Variants in TACR1 observed in about 807,000 individuals in gnomAD.
TACR1 encodes the protein tachykinin receptor 1, also known as substance-P receptor.
Under a neutral mutation model 35.8 loss-of-function variants are expected in TACR1, and 25 were observed. The observed-to-expected ratio is 0.70, with a 90% CI of 0.51 to 0.98. The LOEUF (loss-of-function observed/expected upper bound fraction) is 0.98. Ranked by LOEUF, TACR1 falls within the 50% of genes least tolerant of loss-of-function variation. The pLI, the probability that TACR1 is intolerant of heterozygous loss-of-function variation, is 0.00. For missense variants in TACR1, 478 were observed against 522.9 expected (o/e 0.91, Z 0.84); for synonymous variants, 195 against 206.7 (o/e 0.94, Z 0.48).
In TACR1 at chr2:75,072,266, G is replaced by C. The variant is rs368851976; in HGVS notation, c.585-18511C>G. 2.0e-5 allele frequency among the ~76,000 whole-genome samples: 3 copies of C among 152,270 alleles called. No homozygotes were observed. The South Asian group carries it at 6.2e-4, about 32-fold the overall frequency. ...GAGTCTGATGTGAGTCGTCTGCCAG[G>C]TCAAGGATGCAGGACGGGATTAGCG... On this transcript the variant is annotated intron_variant, in intron 2 of 4. Transcript: ENST00000305249.
chr2:75,158,134 A>G (rs10167153), intron 1 of TACR1, among the ~76,000 whole-genome samples: 80,116 of 152,114 alleles, frequency 0.53, 21,373 homozygotes, highest in Non-Finnish European at 0.55. Context: ...CTATGACCCA[A>G]CTGGGTCCTC....
At chr2:75,147,587 C>T (rs578257458) in intron 1 of TACR1, among the ~76,000 whole-genome samples, 9 of 152,226 alleles carry the variant, frequency 5.9e-5, no homozygotes, top group African/African-American at 2.2e-4. Flanking sequence ...CAGGCCCCAG[C>T]ATGTGTTGTT....
intron 1 of TACR1, among the ~76,000 whole-genome samples, chr2:75,193,387 C>A (rs1411015307): frequency 1.3e-5 from 2 of 152,250 alleles, no homozygotes; most frequent in Non-Finnish European, 2.9e-5. Flanking sequence ...CCATTCTCTG[C>A]TGATATTGTC....
chr2:75,176,196 C>G (rs1675414718), intron 1 of TACR1, among the ~76,000 whole-genome samples: 1 of 151,936 alleles, frequency 6.6e-6, no homozygotes, highest in Non-Finnish European at 1.5e-5. Flanking sequence ...TTATTATAAA[C>G]TGCTTTTTTC....
At chr2:75,090,448 T>C (rs1298649508) in intron 2 of TACR1, among the ~76,000 whole-genome samples, 4 of 152,178 alleles carry the variant, frequency 2.6e-5, no homozygotes, top group Non-Finnish European at 5.9e-5. Flanking sequence ...GCCTGCTAGC[T>C]AAAAGCTTCA....
At chr2:75,055,156 A>G (rs1234445942) in intron 2 of TACR1, among the ~76,000 whole-genome samples, 5 of 152,168 alleles carry the variant, frequency 3.3e-5, no homozygotes, top group Admixed American at 6.5e-5. Flanking sequence ...TTTTCTTCCA[A>G]TGAGGAAAAC....
intron 2 of TACR1, among the ~76,000 whole-genome samples, chr2:75,077,174 T>C (rs983087539): frequency 1.3e-5 from 2 of 152,184 alleles, no homozygotes; most frequent in African/African-American, 4.8e-5. Context: ...TTCTCCATGT[T>C]GGTCAGGCTG....
At chr2:75,176,857 GACT>G (rs1471898502) in intron 1 of TACR1, among the ~76,000 whole-genome samples, 1 of 152,140 alleles carries the variant, frequency 6.6e-6, no homozygotes, top group Non-Finnish European at 1.5e-5. Flanking sequence ...AGTGAACAGT[GACT>G]AGGCTTTTAT....
chr2:75,103,509 A>G (rs1394412703), intron 2 of TACR1, among the ~76,000 whole-genome samples: 1 of 152,188 alleles, frequency 6.6e-6, no homozygotes, highest in East Asian at 1.9e-4. Flanking sequence ...CAAAGAAATT[A>G]TACCCTGAGA....
chr2:75,122,992 G>A (rs1300203468), intron 1 of TACR1, among the ~76,000 whole-genome samples: 4 of 152,096 alleles, frequency 2.6e-5, no homozygotes, highest in African/African-American at 4.8e-5. Context: ...CATGGGGTGC[G>A]GTGGGTGGGG....
intron 1 of TACR1, among the ~76,000 whole-genome samples, chr2:75,130,184 A>G (rs1452517176): frequency 6.6e-6 from 1 of 152,196 alleles, no homozygotes; most frequent in Non-Finnish European, 1.5e-5. Flanking sequence ...ACCCCAGGCA[A>G]ATGCTACACT....
intron 2 of TACR1, among the ~76,000 whole-genome samples, chr2:75,075,802 A>C (rs1672964323): frequency 6.6e-6 from 1 of 152,256 alleles, no homozygotes; most frequent in Non-Finnish European, 1.5e-5. Context: ...AGAAGAAGAT[A>C]TTTTAAGCTA....
chr2:75,121,254 A>G (rs992917087), intron 1 of TACR1, among the ~76,000 whole-genome samples: 2 of 152,352 alleles, frequency 1.3e-5, no homozygotes, highest in East Asian at 1.9e-4. Flanking sequence ...GGAAGTAAAC[A>G]TGTCTCTGTG....
rs551590404 is a variant in TACR1, at chr2:75,104,485, C to A, written c.584+16089G>T. Among the ~76,000 whole-genome samples, 626 of 152,032 alleles carry A rather than the reference C, an allele frequency of 4.1e-3. 6 individuals carry two copies. Among genetic ancestry groups the A allele is most frequent in the African/African-American group, 0.014 (593 of 41,530 alleles). On this transcript the variant is annotated intron_variant, in intron 2 of 4. Transcript: ENST00000305249. ...TTCAACAATGGATAAATCATCTAGA[C>A]AGAAAATTAGTAAGGAAACATAGGA...
intron 1 of TACR1, among the ~76,000 whole-genome samples, chr2:75,157,924 C>G (rs138164234): frequency 9.6e-4 from 146 of 152,268 alleles, no homozygotes; most frequent in African/African-American, 3.3e-3. Flanking sequence ...AGTCCAAGTC[C>G]CCACCAAAAA....
chr2:75,053,475 CCT>C (rs1223038582), intron 3 of TACR1, 128 bp downstream of exon 3: 1 of 1,196,570 alleles, frequency 8.4e-7, no homozygotes, highest in Non-Finnish European at 1.1e-6. Context: ...TTCCTCTCCT[CCT>C]CTCTGTTGCT....
At chr2:75,163,168 G>C (rs1171007110) in intron 1 of TACR1, among the ~76,000 whole-genome samples, 1 of 152,236 alleles carries the variant, frequency 6.6e-6, no homozygotes, top group Admixed American at 6.5e-5. Flanking sequence ...TTTGATCCCT[G>C]AGTCAGCAGA....
intron 1 of TACR1, among the ~76,000 whole-genome samples, chr2:75,130,309 G>A (rs1674151990): frequency 6.6e-6 from 1 of 152,174 alleles, no homozygotes; most frequent in East Asian, 1.9e-4. Context: ...ATTCAGTGCT[G>A]CTGCCCCTGC....
intron 3 of TACR1, 23 bp downstream of exon 3, chr2:75,053,582 A>G (rs375237217): frequency 1.3e-6 from 2 of 1,499,230 alleles, no homozygotes; most frequent in East Asian, 2.4e-5. Flanking sequence ...AGGGTGGGTT[A>G]GTTCTGCCTG....
Sources: allele counts gnomAD v4.1 joint callset (sites outside exome capture counted in the v4.1 genomes callset), GRCh38; gene constraint gnomAD v4.1.1; transcripts MANE v1.5; gene names NCBI Gene and HGNC (gene_info 2026-07-23, HGNC 2026-07-21).